MED13L: variants seen among roughly 807,000 people sequenced by gnomAD.
MED13L encodes the protein mediator of RNA polymerase II transcription subunit 13-like.
In MED13L, 7 loss-of-function variants were observed where a neutral mutation model predicts 220.9. The observed-to-expected ratio is 0.03, with a 90% CI of 0.02 to 0.06. The LOEUF is 0.06. MED13L is among the 10% of genes least tolerant of loss of function. MED13L has a pLI of 1.00. For synonymous variants in MED13L, 1,011 were observed against 1,015.2 expected, an observed-to-expected ratio of 1.00 and a Z score of 0.08; for missense variants, 1,965 against 2,760.5, an observed-to-expected ratio of 0.71 and a Z score of 6.46.
chr12:116,238,101 A>C (rs1593196724), intron 1 of MED13L, among the ~76,000 whole-genome samples: 1 of 152,218 alleles, frequency 6.6e-6, no homozygotes, highest in Non-Finnish European at 1.5e-5. Flanking sequence ...TATATGAAAT[A>C]ATTTCTTTCA....
chr12:115,961,733 G>T (rs780577389), intron 30 of MED13L: 6 of 373,954 alleles, frequency 1.6e-5, no homozygotes, highest in Non-Finnish European at 2.6e-5. Flanking sequence ...ACTTTGGGAG[G>T]CCGAGGTGGG....
At chr12:116,126,643 A>G (rs140744553) in intron 2 of MED13L, among the ~76,000 whole-genome samples, 47 of 152,348 alleles carry the variant, frequency 3.1e-4, no homozygotes, top group African/African-American at 1.0e-3. Flanking sequence ...AATTACCAGA[A>G]AAGTTGAAAG....
chr12:116,277,212 C>G lies in MED13L; in HGVS notation c.-81G>C. ...GCGAGGCCGGGCCGGGCGGCGGCGCCTCGCCGGGGAGCGCGGGGCGGCCGG... is the reference window on the plus strand; with the variant it reads ...GCGAGGCCGGGCCGGGCGGCGGCGCGTCGCCGGGGAGCGCGGGGCGGCCGG... On this transcript the variant is annotated 5_prime_UTR_variant, in exon 1 of 31. Transcript: ENST00000281928. 2.2e-6 allele frequency: 2 copies of G among 913,630 alleles called. No individual in the cohort carries two copies. The highest frequency in any genetic ancestry group is 2.7e-6 in the Non-Finnish European group (2 of 733,056). 56.6% of individuals were successfully genotyped at this position (913,630 alleles called of 1,614,324 possible).
At chr12:116,031,914 C>G (rs910883949) in intron 4 of MED13L, among the ~76,000 whole-genome samples, 6 of 151,766 alleles carry the variant, frequency 4.0e-5, no homozygotes, top group South Asian at 2.1e-4. Context: ...AGAGAACTAA[C>G]AAAAGAGATC....
intron 2 of MED13L, among the ~76,000 whole-genome samples, chr12:116,234,289 G>A (rs570349721): frequency 1.3e-5 from 2 of 151,754 alleles, no homozygotes; most frequent in Middle Eastern, 3.4e-3. Context: ...GTGCTGTGGC[G>A]TGATCTCAGC....
chr12:116,201,221 T>C (rs574716661), intron 2 of MED13L, among the ~76,000 whole-genome samples: 1 of 152,304 alleles, frequency 6.6e-6, no homozygotes, highest in Non-Finnish European at 1.5e-5. Context: ...TTGAAAATAT[T>C]ATTTGAAAAT....
At chr12:116,028,443 T>G (rs1880529740) in intron 4 of MED13L, among the ~76,000 whole-genome samples, 1 of 152,168 alleles carries the variant, frequency 6.6e-6, no homozygotes, top group Admixed American at 6.5e-5. Flanking sequence ...TCTTTCTGAT[T>G]CGGGGGGAAG....
rs552134990 is a variant in MED13L at position 116,222,947 on chromosome 12, G to A, written c.310+14521C>T. The stretch of plus-strand genomic sequence containing the variant: ...ATTTTATCATGTAGTCTGTTGCCAC[G>A]ACACTTACAGAAGCCAGTAATTAAC... On this transcript the variant is annotated intron_variant, in intron 2 of 30. Transcript: ENST00000281928. 3.9e-5 allele frequency among the ~76,000 whole-genome samples: 6 copies of A among 152,272 alleles called. 1 individual carries two copies. The East Asian group carries it at 1.2e-3, about 29-fold the overall frequency.
At chr12:116,095,111 G>A (rs895274149) in intron 4 of MED13L, among the ~76,000 whole-genome samples, 8 of 152,072 alleles carry the variant, frequency 5.3e-5, no homozygotes, top group East Asian at 1.9e-4. Context: ...GCAGTGAGCC[G>A]AGATCACGCC....
rs766247696 is a variant in MED13L at position 116,008,593 on chromosome 12, G to T, written c.1820C>A (p.Pro607His). ...DRTVLVGQRL[P>H]LMAEVSETAL... The stretch of plus-strand genomic sequence containing the variant: ...TGTCTCGCTGACCTCTGCCATGAGA[G>T]GCAGTCTTTGGCCTACGAGGACAGT... The change falls in exon 10 of 31, where the codon CCT becomes CAT. Residue 607 changes from proline to histidine, a missense_variant. Pro to His is a moderately conservative substitution (Grantham distance 77). This residue lies in a region of MED13L where 818 missense variants were observed against 1,041.2 expected (regional missense o/e 0.79). Transcript: ENST00000281928. 5 of 1,614,046 alleles carry T rather than the reference G, an allele frequency of 3.1e-6. No individual in the cohort carries two copies. The South Asian group carries it at 5.5e-5, about 18-fold the overall frequency.
At chr12:116,069,983 G>C (rs1401196731) in intron 4 of MED13L, among the ~76,000 whole-genome samples, 1 of 152,134 alleles carries the variant, frequency 6.6e-6, no homozygotes, top group Non-Finnish European at 1.5e-5. Flanking sequence ...TTTGGATAAA[G>C]AGTACTCAAC....
chr12:116,004,623 T>C (rs1878935749), intron 13 of MED13L, among the ~76,000 whole-genome samples: 1 of 152,248 alleles, frequency 6.6e-6, no homozygotes, highest in East Asian at 1.9e-4. Context: ...GGTCTGTTCC[T>C]TATCCCTGAA....
At chr12:116,048,923 G>A (rs543357984) in intron 4 of MED13L, among the ~76,000 whole-genome samples, 3 of 152,290 alleles carry the variant, frequency 2.0e-5, no homozygotes, top group African/African-American at 7.2e-5. Flanking sequence ...AACAGCTAAT[G>A]TCTCAATATC....
intron 3 of MED13L, among the ~76,000 whole-genome samples, chr12:116,105,368 A>C (rs760777637): frequency 9.9e-5 from 15 of 152,182 alleles, no homozygotes; most frequent in Admixed American, 3.9e-4. Context: ...ATAAGTAAAA[A>C]CTACATTTTA....
chr12:116,203,596 A>T (rs1175656301), intron 2 of MED13L, among the ~76,000 whole-genome samples: 1 of 151,992 alleles, frequency 6.6e-6, no homozygotes, highest in Non-Finnish European at 1.5e-5. Flanking sequence ...GAAGTGGGCA[A>T]ATCACCTAAG....
chr12:116,020,386 G>A (rs1879989849), intron 5 of MED13L, among the ~76,000 whole-genome samples: 1 of 152,268 alleles, frequency 6.6e-6, no homozygotes, highest in Middle Eastern at 3.4e-3. Flanking sequence ...CCTGTACAAT[G>A]TAAACACTGA....
chr12:115,980,674 C>A, intron 23 of MED13L, 76 bp downstream of exon 23: 1 of 1,489,688 alleles, frequency 6.7e-7, no homozygotes. Flanking sequence ...CAGCCAATCT[C>A]TGGGTTAGAT....
At chr12:116,115,111 G>A (rs1222694626) in intron 2 of MED13L, among the ~76,000 whole-genome samples, 1 of 152,072 alleles carries the variant, frequency 6.6e-6, no homozygotes, top group Admixed American at 6.6e-5. Context: ...CCAGAACAAT[G>A]TGGTAAAAGA....
At chr12:116,204,614 A>G (rs901894238) in intron 2 of MED13L, among the ~76,000 whole-genome samples, 11 of 152,114 alleles carry the variant, frequency 7.2e-5, no homozygotes, top group Admixed American at 2.0e-4. Flanking sequence ...ATTCCCCACT[A>G]TAAGTTCCTC....
Sources: allele counts gnomAD v4.1 joint callset (sites outside exome capture counted in the v4.1 genomes callset), GRCh38; gene constraint gnomAD v4.1.1; regional missense constraint gnomAD v4.1.1; transcripts MANE v1.5; gene names NCBI Gene and HGNC (gene_info 2026-07-23, HGNC 2026-07-21).